SPATA9: variants seen among roughly 807,000 people sequenced by gnomAD.
SPATA9 encodes the protein spermatogenesis associated 9, also known as spermatogenesis-associated protein 9.
SPATA9 carries 27 observed loss-of-function variants against 25.5 expected under a neutral mutation model. The observed-to-expected ratio is 1.06, with a 90% CI of 0.78 to 1.46. The LOEUF is 1.46. Among genes scored for constraint, SPATA9 ranks in the 40% most tolerant of loss-of-function variants. SPATA9 has a pLI of 0.00. For synonymous variants in SPATA9, 102 were observed against 105.7 expected (o/e 0.97, Z 0.21); for missense variants, 282 against 297.5 (o/e 0.95, Z 0.38).
upstream of SPATA9, among the ~76,000 whole-genome samples, chr5:95,700,996 C>A (rs153916): frequency 6.6e-6 from 1 of 151,992 alleles, no homozygotes; most frequent in Non-Finnish European, 1.5e-5. Context: ...TTGTAGTTTA[C>A]TGATACTCCC....
chr5:95,654,582 G>T (rs953675250), downstream of SPATA9, among the ~76,000 whole-genome samples: 13 of 152,126 alleles, frequency 8.5e-5, no homozygotes, highest in African/African-American at 3.1e-4. Flanking sequence ...TTAAGTATTT[G>T]TATAGGAATG....
At chr5:95,711,393 G>T in the SPATA9 span, among the ~76,000 whole-genome samples, 1 of 152,182 alleles carries the variant, frequency 6.6e-6, no homozygotes, top group Non-Finnish European at 1.5e-5. Flanking sequence ...CTCCAACAGT[G>T]AGGTCAAAGC....
chr5:95,655,825 G>A (rs1444422021), downstream of SPATA9: 2 of 487,294 alleles, frequency 4.1e-6, no homozygotes, highest in African/African-American at 3.9e-5. Flanking sequence ...GAGCATGTCA[G>A]TCTTCTGATA....
chr5:95,723,005 G>C, the SPATA9 span, among the ~76,000 whole-genome samples: 645 of 152,176 alleles, frequency 4.2e-3, 7 homozygotes, highest in African/African-American at 0.015. Flanking sequence ...GAGGTGGGTG[G>C]ATAACAGAAA....
At chr5:95,701,201 T>C (rs1754173372), upstream of SPATA9, 1 of 152,142 alleles carries the variant, frequency 6.6e-6, no homozygotes, top group Non-Finnish European at 1.5e-5. Flanking sequence ...AAGCAGAAAA[T>C]TGTGGCAACT....
At chr5:95,707,856 A>C in the SPATA9 span, among the ~76,000 whole-genome samples, 1 of 152,116 alleles carries the variant, frequency 6.6e-6, no homozygotes, top group South Asian at 2.1e-4. Flanking sequence ...GTCTAAAAAC[A>C]GAGTTAGTAA....
chr5:95,665,550 G>C (rs1200202474), intron 3 of SPATA9, among the ~76,000 whole-genome samples: 1 of 152,224 alleles, frequency 6.6e-6, no homozygotes. Flanking sequence ...ACAAATGACA[G>C]AATTCTTTTT....
chr5:95,687,934 G>A (rs916091638), upstream of SPATA9, among the ~76,000 whole-genome samples: 1 of 152,158 alleles, frequency 6.6e-6, no homozygotes, highest in Non-Finnish European at 1.5e-5. Flanking sequence ...TGGTGAGAAT[G>A]CAGAGAAAAT....
At chr5:95,687,808 C>T (rs1753785043), upstream of SPATA9, among the ~76,000 whole-genome samples, 1 of 152,158 alleles carries the variant, frequency 6.6e-6, no homozygotes, top group South Asian at 2.1e-4. Context: ...TTGTCTGTTT[C>T]CCCTATCAGA....
the SPATA9 span, among the ~76,000 whole-genome samples, chr5:95,709,956 C>G: frequency 1.3e-5 from 2 of 152,130 alleles, no homozygotes; most frequent in Non-Finnish European, 2.9e-5. Context: ...GAGTAGCCTG[C>G]GCTCCTGGTA....
chr5:95,679,554 G>C (rs1320972468), intron 2 of SPATA9, among the ~76,000 whole-genome samples: 1 of 152,158 alleles, frequency 6.6e-6, no homozygotes, highest in African/African-American at 2.4e-5. Flanking sequence ...TGTGCCTGCA[G>C]ATTCCTACAC....
At chr5:95,674,872 G>T in intron 3 of SPATA9, 1 of 445,930 alleles carries the variant, frequency 2.2e-6, no homozygotes, top group Non-Finnish European at 4.5e-6. Context: ...GTGACATTTA[G>T]GATGCTTTGT....
At chr5:95,729,676 T>G in the SPATA9 span, among the ~76,000 whole-genome samples, 6 of 152,104 alleles carry the variant, frequency 3.9e-5, no homozygotes, top group Non-Finnish European at 5.9e-5. Context: ...CAACGCCCCC[T>G]TTTCCCCTCT....
chr5:95,673,171 A>C (rs1752572083), intron 3 of SPATA9, among the ~76,000 whole-genome samples: 1 of 152,098 alleles, frequency 6.6e-6, no homozygotes, highest in South Asian at 2.1e-4. Context: ...CAGTGTCCCT[A>C]TAAAAAGTCC....
At chr5:95,681,225 G>C (rs770779510) in intron 2 of SPATA9, among the ~76,000 whole-genome samples, 1 of 152,088 alleles carries the variant, frequency 6.6e-6, no homozygotes, top group Non-Finnish European at 1.5e-5. Context: ...GGCATACAAA[G>C]ACCTCCACCC....
At chr5:95,690,260 G>C (rs1001304238) in intron 1 of SPATA9, among the ~76,000 whole-genome samples, 2 of 152,116 alleles carry the variant, frequency 1.3e-5, no homozygotes, top group African/African-American at 2.4e-5. Context: ...GTAAACTCAA[G>C]ATTTTTAAGA....
At chr5:95,690,939 A>G (rs1311973649) in intron 1 of SPATA9, among the ~76,000 whole-genome samples, 1 of 152,102 alleles carries the variant, frequency 6.6e-6, no homozygotes, top group African/African-American at 2.4e-5. Flanking sequence ...AAAGCTTCTG[A>G]TTTTCCTTTC....
chr5:95,715,216 C>T, the SPATA9 span, among the ~76,000 whole-genome samples: 6,028 of 151,260 alleles, frequency 0.04, 141 homozygotes, highest in South Asian at 0.072. Context: ...CCCAGCTATT[C>T]GGGAGGCTGA....
the SPATA9 span, chr5:95,731,045 T>G: frequency 9.7e-6 from 10 of 1,031,512 alleles, no homozygotes; most frequent in Non-Finnish European, 1.3e-5. Context: ...CTGGCTCTGG[T>G]TACGGCCTTG....
Sources: gnomAD v4.1 joint callset for allele counts (sites outside exome capture counted in the v4.1 genomes callset) on GRCh38, gnomAD v4.1.1 for gene constraint, MANE v1.5 for transcripts, NCBI Gene and HGNC (gene_info 2026-07-23, HGNC 2026-07-21) for gene names.